Variants in TCTN1 observed in about 807,000 individuals in gnomAD.
The protein encoded by TCTN1 is tectonic family member 1, also known as tectonic-1.
Under a neutral mutation model 65.8 loss-of-function variants are expected in TCTN1, and 58 were observed. The ratio of observed to expected loss-of-function variants is 0.88; its 90% confidence interval spans 0.71 to 1.10. The LOEUF (loss-of-function observed/expected upper bound fraction) is 1.10. TCTN1 is among the 50% of genes least tolerant of loss of function. The pLI is 0.00. For synonymous variants in TCTN1, 273 were observed against 289.1 expected (o/e 0.94, Z 0.57); for missense variants, 645 against 719.4 (o/e 0.90, Z 1.18).
intron 10 of TCTN1, 157 bp from the exon 11 acceptor site, chr12:110,642,092 G>C (rs2066995791): frequency 2.2e-6 from 2 of 915,700 alleles, no homozygotes. Context: ...AAATAGAACT[G>C]TTTTTTTGCC....
intron 1 of TCTN1, chr12:110,616,739 T>G: frequency 6.6e-6 from 1 of 152,420 alleles, no homozygotes; most frequent in African/African-American, 2.4e-5. Flanking sequence ...ATTATTTGCC[T>G]AATTTTAGGA....
chr12:110,646,809 A>C, intron 12 of TCTN1: 1 of 255,022 alleles, frequency 3.9e-6, no homozygotes, highest in South Asian at 4.5e-5. Context: ...TTGTCTGCTA[A>C]TAATTATTTC....
chr12:110,616,354 T>C (rs868384226), intron 1 of TCTN1: 3 of 384,734 alleles, frequency 7.8e-6, no homozygotes, highest in South Asian at 1.8e-5. Context: ...TAGGCTCAGG[T>C]GATCTTCCCA....
intron 3 of TCTN1, among the ~76,000 whole-genome samples, chr12:110,626,915 G>GGTACCT (rs2065888426): frequency 6.6e-6 from 1 of 151,174 alleles, no homozygotes; most frequent in African/African-American, 2.4e-5. Flanking sequence ...TGGGATTACA[G>GGTACCT]GCATGGGCCA....
rs368536784 is a variant in TCTN1 at position 110,640,385 on chromosome 12, C to G, written c.846C>G (p.Val282=). The change falls in exon 8 of 15, where the codon GTC becomes GTG. Residue 282 remains valine, a splice_region_variant and synonymous_variant. Transcript: ENST00000397659. The surrounding 1 kb of genome is among the most constrained non-coding windows in gnomAD (Gnocchi z 4.9). ...CACTCCAGGTCTTCACTCTGCAGGT[C>G]CCTATCACTGTTCAGTCCATCGTCA... ...ILRVPDSRKK[V]PITVQSIVIQ... is the part of the protein sequence containing the mutation. 1 of 1,614,026 alleles carries G rather than the reference C, an allele frequency of 6.2e-7. No individual in the cohort carries two copies. The highest frequency in any genetic ancestry group is 1.3e-5 in the African/African-American group (1 of 74,914).
chr12:110,647,095 G>A, intron 12 of TCTN1, 101 bp from the exon 13 acceptor site: 2 of 1,428,808 alleles, frequency 1.4e-6, no homozygotes, highest in South Asian at 2.3e-5. Flanking sequence ...TCATTTTCTT[G>A]TTCAGAACAT....
chr12:110,615,491 T>C (rs2064974963), intron 1 of TCTN1, among the ~76,000 whole-genome samples: 2 of 152,192 alleles, frequency 1.3e-5, no homozygotes, highest in African/African-American at 4.8e-5. Flanking sequence ...TATTCTTTTT[T>C]TGTTTTTGAG....
chr12:110,618,632 G>A (rs2065212212), intron 1 of TCTN1, among the ~76,000 whole-genome samples: 1 of 152,080 alleles, frequency 6.6e-6, no homozygotes, highest in African/African-American at 2.4e-5. Context: ...GCCTCCCAAA[G>A]TGCAGGAATT....
intron 2 of TCTN1, 62 bp downstream of exon 2, chr12:110,620,018 G>A: frequency 6.2e-7 from 1 of 1,612,550 alleles, no homozygotes; most frequent in Non-Finnish European, 8.5e-7. Context: ...ACAATTTGGA[G>A]AAAGGGAAAA....
In TCTN1 at chr12:110,644,996, T is replaced by C. The variant is rs1034434399; in HGVS notation, c.1361T>C (p.Val454Ala). ...RLTGALPCQLVAQKVKSLLWG... is the reference protein window; with the variant it reads ...RLTGALPCQLAAQKVKSLLWG... ...ACTGGAGCTCTCCCGTGTCAGCTCG[T>C]AGCACAGAAGGTGAAGAGCCTGCTG... The change falls in exon 12 of 15, where the codon GTA becomes GCA. Residue 454 changes from valine to alanine, a missense_variant. Coordinates refer to ENST00000397659, the MANE Select transcript of TCTN1 (RefSeq NM_001082538.3). The surrounding 1 kb of genome is among the most constrained non-coding windows in gnomAD (Gnocchi z 4.6). 8 of 1,614,126 alleles carry C rather than the reference T, an allele frequency of 5.0e-6. No homozygotes were observed. The highest frequency in any genetic ancestry group is 2.7e-5 in the African/African-American group (2 of 74,938).
intron 2 of TCTN1, among the ~76,000 whole-genome samples, chr12:110,621,665 G>C (rs1409905631): frequency 4.0e-5 from 6 of 151,536 alleles, no homozygotes; most frequent in Admixed American, 3.3e-4. Context: ...GTAGAGACAG[G>C]GTTTCACCGT....
chr12:110,634,522 CAAAA>C, intron 5 of TCTN1, 144 bp from the exon 6 acceptor site: 1 of 706,088 alleles, frequency 1.4e-6, no homozygotes, highest in Non-Finnish European at 2.4e-6. Flanking sequence ...ACTAAAAAAA[CAAAA>C]CAAACAACAA....
At chr12:110,625,364 C>T (rs2065763241) in intron 2 of TCTN1, among the ~76,000 whole-genome samples, 1 of 152,160 alleles carries the variant, frequency 6.6e-6, no homozygotes, top group African/African-American at 2.4e-5. Context: ...CTCAAGTGAG[C>T]CTTGCATCTT....
At chr12:110,642,158 T>G in intron 10 of TCTN1, 91 bp from the exon 11 acceptor site, 1 of 1,546,528 alleles carries the variant, frequency 6.5e-7, no homozygotes, top group South Asian at 1.1e-5. Flanking sequence ...TGTATTTGGG[T>G]CTCCCTCATG....
intron 2 of TCTN1, among the ~76,000 whole-genome samples, chr12:110,623,047 T>G (rs2065549423): frequency 6.6e-6 from 1 of 152,142 alleles, no homozygotes; most frequent in Non-Finnish European, 1.5e-5. Context: ...TGTGGAGCCT[T>G]CCATCACTCT....
chr12:110,641,761 G>T (rs1416561000), intron 10 of TCTN1, 134 bp downstream of exon 10: 2 of 920,980 alleles, frequency 2.2e-6, no homozygotes, highest in Non-Finnish European at 1.7e-6. Flanking sequence ...GCTTCCTGCA[G>T]GCGGCTCTGG....
chr12:110,646,795 G>T, intron 12 of TCTN1: 1 of 248,832 alleles, frequency 4.0e-6, no homozygotes, highest in Non-Finnish European at 7.9e-6. Flanking sequence ...CATGCAATCA[G>T]GTTTTGTCTG....
At position 110,644,489 on chromosome 12, in the gene TCTN1, A is replaced by C. The variant is rs1266662504; in HGVS notation, c.1332-478A>C. On this transcript the variant is annotated intron_variant, in intron 11 of 14. Coordinates refer to ENST00000397659, the MANE Select transcript of TCTN1 (RefSeq NM_001082538.3). The surrounding 1 kb of genome is among the most constrained non-coding windows in gnomAD (Gnocchi z 4.6). ...TTGGGAGTTCGAGACCAGCCTGGCC[A>C]ACATGGTGAAACCCCGTCTCTACTA... is the stretch of plus-strand genomic sequence containing the variant. 1 of 219,526 alleles carries C rather than the reference A, an allele frequency of 4.6e-6. No individual in the cohort carries two copies. The highest frequency in any genetic ancestry group is 2.4e-5 in the African/African-American group (1 of 42,304). 13.6% of individuals were successfully genotyped at this position (219,526 alleles called of 1,614,324 possible).
At chr12:110,619,728 A>G in intron 1 of TCTN1, 108 bp from the exon 2 acceptor site, 3 of 1,567,244 alleles carry the variant, frequency 1.9e-6, no homozygotes, top group Non-Finnish European at 2.6e-6. Context: ...TAGGAAAAAT[A>G]AAATGGATCT....
Sources: allele counts gnomAD v4.1 joint callset (sites outside exome capture counted in the v4.1 genomes callset), GRCh38; gene constraint gnomAD v4.1.1; non-coding constraint Gnocchi (gnomAD v3.1); transcripts MANE v1.5; gene names NCBI Gene and HGNC (gene_info 2026-07-23, HGNC 2026-07-21).